PARP11: variants seen among roughly 807,000 people sequenced by gnomAD.
PARP11 encodes the protein poly(ADP-ribose) polymerase family member 11.
PARP11 carries 31 observed loss-of-function variants against 42.9 expected under a neutral mutation model. The ratio of observed to expected loss-of-function variants is 0.72; its 90% CI spans 0.54 to 0.98. PARP11 has a LOEUF of 0.98. Among genes scored for constraint, PARP11 ranks in the 50% least tolerant of loss-of-function variants. PARP11 has a pLI of 0.00. For missense variants in PARP11, 365 were observed against 413.1 expected (o/e 0.88, Z 1.01); for synonymous variants, 137 against 127.3 (o/e 1.08, Z -0.51).
At chr12:3,839,338 C>T (rs1292013016) in intron 1 of PARP11, 7 of 1,534,104 alleles carry the variant, frequency 4.6e-6, no homozygotes, top group Non-Finnish European at 5.2e-6. Flanking sequence ...CGGCGAGGAC[C>T]AGGGCGGCGC....
Position 3,809,043 on chromosome 12 carries a change from A to G in PARP11, c.*3080T>C, listed in dbSNP as rs772523908. On this transcript the variant is annotated 3_prime_UTR_variant, in exon 8 of 8. Coordinates refer to ENST00000228820, the MANE Select transcript of PARP11 (RefSeq NM_020367.6). ...AACTTTTTTTTTTACCCTGAGGCTG[A>G]TATCACCAAGGTGAAAAAGAAAAGT... 9 of 142,434 alleles carry G rather than the reference A, an allele frequency of 6.3e-5. No homozygotes were observed. The highest frequency in any genetic ancestry group is 1.1e-4 in the Non-Finnish European group (7 of 64,486). The allele number at this position is 142,434 out of a possible 1,614,324, so 8.8% of individuals were successfully genotyped here. A position where few individuals can be genotyped will look rare whatever the true frequency, so the allele number is the denominator to read the frequency against.
chr12:3,868,546 C>T (rs11062884), intron 1 of PARP11, among the ~76,000 whole-genome samples: 8,796 of 152,286 alleles, frequency 0.058, 331 homozygotes, highest in East Asian at 0.18. Context: ...AACTTTACTA[C>T]CTGATGCTTC....
chr12:3,812,195 G>C lies in PARP11; in HGVS notation c.945C>G (p.Thr315=), dbSNP rs746211995. The C allele has an allele frequency of 6.2e-7, 1 of 1,614,068 alleles. No homozygotes were observed. Among genetic ancestry groups the C allele is most frequent in the Non-Finnish European group, 8.5e-7 (1 of 1,179,982 alleles). The change falls in exon 8 of 8, where the codon ACC becomes ACG. Residue 315 remains threonine (T), a synonymous_variant. Coordinates refer to ENST00000228820, the MANE Select transcript of PARP11 (RefSeq NM_020367.6). ...VNLYDSCVDD[T]WNPKIFVVFD... is the part of the protein sequence containing the mutation. Reference sequence around the variant, plus strand: ...AAACCACAAAGATCTTTGGGTTCCAGGTATCATCCACACAGCTGTCATATA... The same window carrying C: ...AAACCACAAAGATCTTTGGGTTCCACGTATCATCCACACAGCTGTCATATA...
In PARP11 at chr12:3,840,732, A is replaced by G. The variant is rs1428575262; in HGVS notation, c.19-10714T>C. 1.5e-6 allele frequency: 2 copies of G among 1,302,456 alleles called. No homozygotes were observed. The highest frequency in any genetic ancestry group is 2.2e-6 in the Non-Finnish European group (2 of 895,540). The allele number at this position is 1,302,456 out of a possible 1,614,324, so 80.7% of individuals were successfully genotyped here. A position where few individuals can be genotyped will look rare whatever the true frequency, so the allele number is the denominator to read the frequency against. On this transcript the variant is annotated intron_variant, in intron 1 of 7. Coordinates refer to ENST00000228820, the MANE Select transcript of PARP11 (RefSeq NM_020367.6). The surrounding 1 kb of genome is among the most constrained non-coding windows in gnomAD (Gnocchi z 4.4). ...GAACGAAAAGACAAAGACTCTATTC[A>G]TGGACATAGTTGGATAAAAGACCCG...
chr12:3,840,167 A>G lies in PARP11; in HGVS notation c.19-10149T>C. ...GGCTTACAATATGAAGTTGGAGACAAATGTCAAGTTAGGTTGGATCACAAT... is the reference window on the plus strand; with the variant it reads ...GGCTTACAATATGAAGTTGGAGACAGATGTCAAGTTAGGTTGGATCACAAT... On this transcript the variant is annotated intron_variant, in intron 1 of 7. Transcript: ENST00000228820. The surrounding 1 kb of genome is among the most constrained non-coding windows in gnomAD (Gnocchi z 4.4). 6.2e-6 allele frequency: 10 copies of G among 1,611,534 alleles called. No homozygotes were observed. The highest frequency in any genetic ancestry group is 8.5e-6 in the Non-Finnish European group (10 of 1,177,588).
chr12:3,841,713 C>T (rs1328796674), intron 1 of PARP11: 1 of 1,612,782 alleles, frequency 6.2e-7, no homozygotes, highest in Non-Finnish European at 8.5e-7. Context: ...CCAATCCATT[C>T]TTAGGCCCAG....
chr12:3,857,924 A>G (rs1226029074), intron 1 of PARP11, among the ~76,000 whole-genome samples: 2 of 152,242 alleles, frequency 1.3e-5, no homozygotes, highest in Non-Finnish European at 2.9e-5. Context: ...CTTGAATAGC[A>G]TGCTAGCAAC....
At chr12:3,841,521 A>G in intron 1 of PARP11, 1 of 1,582,176 alleles carries the variant, frequency 6.3e-7, no homozygotes, top group Non-Finnish European at 8.7e-7. Context: ...TGCTACAGCC[A>G]GTGATTGGAC....
rs1301862973 is a variant in PARP11, at chr12:3,843,838, ATTATG to A, written c.19-13825_19-13821del. On this transcript the variant is annotated intron_variant, in intron 1 of 7. Coordinates refer to ENST00000228820, the MANE Select transcript of PARP11 (RefSeq NM_020367.6). ...TACCAATGTGAAAATCCACTCTTTT[ATTATG>A]TTGAGATTATCTTCTGATCAGGAAG... 2.6e-5 allele frequency among the ~76,000 whole-genome samples: 4 copies of A among 152,288 alleles called. No homozygotes were observed. In the East Asian group the frequency reaches 7.7e-4, roughly 29 times the overall value.
rs1947134813 is a variant in PARP11, at chr12:3,809,919, C to T, written c.*2204G>A. On this transcript the variant is annotated 3_prime_UTR_variant, in exon 8 of 8. Transcript: ENST00000228820. Reference sequence around the variant, plus strand: ...CAGCAGCTGGGGTGCATACCTGAGCCAGGAAATCTTTGTTGCCACTTTGTT... The same window carrying T: ...CAGCAGCTGGGGTGCATACCTGAGCTAGGAAATCTTTGTTGCCACTTTGTT... The T allele has an allele frequency of 6.6e-6, 1 of 152,188 alleles. No homozygotes were observed. 9.4% of individuals were successfully genotyped at this position (152,188 alleles called of 1,614,324 possible).
At position 3,810,619 on chromosome 12, in the gene PARP11, G is replaced by GGA. The variant is rs775358304; in HGVS notation, c.*1502_*1503dup. 25 of 128,084 alleles carry GGA rather than the reference G, an allele frequency of 2.0e-4. No homozygotes were observed. Among genetic ancestry groups the GGA allele is most frequent in the Non-Finnish European group, 3.3e-4 (20 of 61,424 alleles). 7.9% of individuals were successfully genotyped at this position (128,084 alleles called of 1,614,324 possible). ...AAAAAAAAGAAAGAAAAAGAAAAAG[G>GGA]GAGGAGGGAGGGAGGGAGGGAGGGA... On this transcript the variant is annotated 3_prime_UTR_variant, in exon 8 of 8. Coordinates refer to ENST00000228820, the MANE Select transcript of PARP11 (RefSeq NM_020367.6).
At chr12:3,863,684 G>A (rs10848948) in intron 1 of PARP11, among the ~76,000 whole-genome samples, 6,956 of 152,250 alleles carry the variant, frequency 0.046, 430 homozygotes, top group East Asian at 0.24. Flanking sequence ...GTCCCTTCCC[G>A]GTGCAGTCAC....
chr12:3,814,141 T>C lies in PARP11; in HGVS notation c.596A>G (p.Glu199Gly). 6.2e-7 allele frequency: 1 copy of C among 1,609,102 alleles called. No homozygotes were observed. ...GCTGGTACCATGAAACAGCATTTGTTCATTAATCTGAGGCACACCTCTTTT... is the reference window on the plus strand; with the variant it reads ...GCTGGTACCATGAAACAGCATTTGTCCATTAATCTGAGGCACACCTCTTTT... ...KKKRGVPQIN[E>G]QMLFHGTSSE... The change falls in exon 7 of 8, where the codon GAA becomes GGA. Residue 199 changes from glutamate (E) to glycine (G), a missense_variant. By Grantham distance (98) the Glu-to-Gly change is moderately conservative. Coordinates refer to ENST00000228820, the MANE Select transcript of PARP11 (RefSeq NM_020367.6).
At chr12:3,826,547 G>C (rs1947531053) in intron 3 of PARP11, among the ~76,000 whole-genome samples, 1 of 152,212 alleles carries the variant, frequency 6.6e-6, no homozygotes, top group Non-Finnish European at 1.5e-5. Flanking sequence ...ACTAAACTAG[G>C]AGAGTTCTAA....
intron 1 of PARP11, chr12:3,841,501 A>G (rs1947888150): frequency 6.5e-7 from 1 of 1,533,390 alleles, no homozygotes; most frequent in African/African-American, 1.4e-5. Flanking sequence ...GGCTAGTGTT[A>G]ATGGTCAAAT....
intron 6 of PARP11, 30 bp downstream of exon 6, chr12:3,821,843 G>T: frequency 6.3e-7 from 1 of 1,586,724 alleles, no homozygotes; most frequent in South Asian, 1.1e-5. Flanking sequence ...ATAGTGGAAA[G>T]GAGAAGTTTC....
chr12:3,812,461 A>C (rs1947199940), intron 7 of PARP11, 22 bp from the exon 8 acceptor site: 3 of 1,566,686 alleles, frequency 1.9e-6, no homozygotes, highest in Non-Finnish European at 1.7e-6. Context: ...AGGACCAAGA[A>C]AAGCCAAGAT....
At chr12:3,855,025 CA>C (rs1410666745) in intron 1 of PARP11, among the ~76,000 whole-genome samples, 1 of 152,176 alleles carries the variant, frequency 6.6e-6, no homozygotes, top group Non-Finnish European at 1.5e-5. Context: ...GAACCAAACA[CA>C]AAAACCACAT....
chr12:3,871,548 A>G (rs922593464), intron 1 of PARP11, among the ~76,000 whole-genome samples: 24 of 152,202 alleles, frequency 1.6e-4, no homozygotes, highest in African/African-American at 5.3e-4. Context: ...CGTTGGCACA[A>G]TGAAAAAAAT....
Sources: allele counts gnomAD v4.1 joint callset (sites outside exome capture counted in the v4.1 genomes callset), GRCh38; gene constraint gnomAD v4.1.1; non-coding constraint Gnocchi (gnomAD v3.1); transcripts MANE v1.5; gene names NCBI Gene and HGNC (gene_info 2026-07-23, HGNC 2026-07-21).